The following DDX51 variants were observed in gnomAD, a reference collection of about 807,000 sequenced individuals.
The protein encoded by DDX51 is ATP-dependent RNA helicase DDX51.
A neutral mutation model predicts 74.6 loss-of-function variants in DDX51; 67 were observed. The observed-to-expected ratio is 0.90, with a 90% CI of 0.74 to 1.10. The LOEUF (loss-of-function observed/expected upper bound fraction) is 1.10. DDX51 is among the 50% of genes least tolerant of loss of function. The pLI is 0.00. For missense variants in DDX51, 1,056 were observed against 905.2 expected, an observed-to-expected ratio of 1.17 and a Z score of -2.14; for synonymous variants, 545 against 402.9, an observed-to-expected ratio of 1.35 and a Z score of -4.22.
Position 132,143,701 on chromosome 12 carries a change from C to T in DDX51, c.513G>A (p.Ala171=), listed in dbSNP as rs765185858. The T allele has an allele frequency of 1.8e-5, 27 of 1,538,078 alleles. No individual in the cohort carries two copies. Among genetic ancestry groups the T allele is most frequent in the East Asian group, 2.5e-5 (1 of 39,870 alleles). ...LVLGGFGKRK[A]PKVQPFLPRW... ...CCCGCCCGCCGAGGCTCACCTTCGG[C>T]GCCTTCCTCTTCCCGAACCCCCCCA... The change falls in exon 2 of 15, where the codon GCG becomes GCA. Residue 171 remains alanine, a synonymous_variant. Coordinates refer to ENST00000397333, the MANE Select transcript of DDX51 (RefSeq NM_175066.4).
chr12:132,143,332 C>G (rs1341287210), intron 2 of DDX51: 4 of 446,638 alleles, frequency 9.0e-6, no homozygotes, highest in Non-Finnish European at 1.6e-5. Context: ...CGCCGGAAAT[C>G]TCTTTACCGA....
chr12:132,141,130 A>G, intron 8 of DDX51, 110 bp from the exon 9 acceptor site: 2 of 1,493,536 alleles, frequency 1.3e-6, no homozygotes. Context: ...ACCAGGAGCA[A>G]GGTGGGTCCA....
Position 132,144,221 on chromosome 12 carries a change from C to A in DDX51, c.76G>T (p.Gly26Trp). Residue 26 changes from glycine (G) to tryptophan (W), a missense_variant, in exon 1 of 15, where the codon GGG (glycine) becomes TGG (tryptophan). Transcript: ENST00000397333. ...AAAGPEGAEAGAHGRARALLE... is the reference protein window; with the variant it reads ...AAAGPEGAEAWAHGRARALLE... Reference sequence around the variant, plus strand: ...AGCGCGCGGGCCCTGCCGTGCGCCCCGGCCTCCGCGCCCTCCGGCCCCGCC... The same window carrying A: ...AGCGCGCGGGCCCTGCCGTGCGCCCAGGCCTCCGCGCCCTCCGGCCCCGCC... The A allele has an allele frequency of 8.3e-7, 1 of 1,210,614 alleles. No homozygotes were observed. The highest frequency in any genetic ancestry group is 3.9e-5 in the South Asian group (1 of 25,620). 75.0% of individuals were successfully genotyped at this position (1,210,614 alleles called of 1,614,324 possible).
rs1897288341 is a variant in DDX51, at chr12:132,137,389, G to A, written c.*1883C>T. The A allele has an allele frequency of 6.6e-6, 1 of 152,206 alleles. No individual in the cohort carries two copies. Among genetic ancestry groups the A allele is most frequent in the African/African-American group, 2.4e-5 (1 of 41,438 alleles). 9.4% of individuals were successfully genotyped at this position (152,206 alleles called of 1,614,324 possible). ...TGATTTTGAACCCCGAGGTTAGAAA[G>A]GGAGCTATTTTTGAGCTGCTTTTTG... On this transcript the variant is annotated 3_prime_UTR_variant, in exon 15 of 15. Coordinates refer to ENST00000397333, the MANE Select transcript of DDX51 (RefSeq NM_175066.4).
chr12:132,144,212 C>G lies in DDX51; in HGVS notation c.85G>C (p.Gly29Arg). The G allele has an allele frequency of 1.7e-6, 2 of 1,200,526 alleles. No individual in the cohort carries two copies. Among genetic ancestry groups the G allele is most frequent in the Non-Finnish European group, 2.1e-6 (2 of 968,310 alleles). 74.4% of individuals were successfully genotyped at this position (1,200,526 alleles called of 1,614,324 possible). Residue 29 changes from glycine (G) to arginine (R), a missense_variant, in exon 1 of 15, where the codon GGC (glycine) becomes CGC (arginine). Gly to Arg is a moderately radical substitution (Grantham distance 125). Coordinates refer to ENST00000397333, the MANE Select transcript of DDX51 (RefSeq NM_175066.4). ...CGCTCGAGCAGCGCGCGGGCCCTGC[C>G]GTGCGCCCCGGCCTCCGCGCCCTCC... is the stretch of plus-strand genomic sequence containing the variant. Reference protein sequence around the residue: ...GPEGAEAGAHGRARALLERLQ... With the variant: ...GPEGAEAGAHRRARALLERLQ...
At chr12:132,143,556 A>G (rs1897565907) in intron 2 of DDX51, 139 bp downstream of exon 2, 1 of 1,162,714 alleles carries the variant, frequency 8.6e-7, no homozygotes, top group Admixed American at 2.2e-5. Context: ...TAGGCGATGA[A>G]ACTGCAGACC....
At position 132,141,318 on chromosome 12, in the gene DDX51, C is replaced by G; in HGVS notation, c.1207G>C (p.Ala403Pro). ...TGGGCCTGCCTTCGCTGGAGCAGGG[C>G]ACAGGGGTCCGCGGGGTCCTCGCTC... ...FQSEDPADPC[A>P]LLQRRQAQAV... The change falls in exon 8 of 15, where the codon GCC becomes CCC. Residue 403 changes from alanine to proline, a missense_variant. By Grantham distance (27) the Ala-to-Pro change is conservative. Coordinates refer to ENST00000397333, the MANE Select transcript of DDX51 (RefSeq NM_175066.4). 6.3e-7 allele frequency: 1 copy of G among 1,598,804 alleles called. No homozygotes were observed. The highest frequency in any genetic ancestry group is 8.5e-7 in the Non-Finnish European group (1 of 1,179,588).
intron 1 of DDX51, 22 bp downstream of exon 1, chr12:132,143,971 G>T: frequency 2.8e-6 from 4 of 1,431,344 alleles, no homozygotes; most frequent in Non-Finnish European, 3.6e-6. Flanking sequence ...CCCAGAGGGA[G>T]CCCGCTCGCC....
rs1897323840 is a variant in DDX51, at chr12:132,138,274, T to G, written c.*998A>C. On this transcript the variant is annotated 3_prime_UTR_variant, in exon 15 of 15. Coordinates refer to ENST00000397333, the MANE Select transcript of DDX51 (RefSeq NM_175066.4). ...ACGTGACCTTCCCACCAGCAATATGTGAGGTGTCCACTGAACAGTCACAAG... is the reference window on the plus strand; with the variant it reads ...ACGTGACCTTCCCACCAGCAATATGGGAGGTGTCCACTGAACAGTCACAAG... 6.6e-6 allele frequency: 1 copy of G among 152,300 alleles called. No homozygotes were observed. Among genetic ancestry groups the G allele is most frequent in the South Asian group, 2.1e-4 (1 of 4,828 alleles). The allele number at this position is 152,300 out of a possible 1,614,324, so 9.4% of individuals were successfully genotyped here.
In DDX51 at chr12:132,141,314, A is replaced by C; in HGVS notation, c.1211T>G (p.Leu404Arg). The change falls in exon 8 of 15, where the codon CTG (leucine) becomes CGG (arginine). Residue 404 changes from leucine to arginine, a missense_variant. Physicochemically the swap from Leu to Arg is moderately radical, Grantham distance 102 (BLOSUM62 -2). Transcript: ENST00000397333. ...AGCCTGGGCCTGCCTTCGCTGGAGC[A>C]GGGCACAGGGGTCCGCGGGGTCCTC... ...QSEDPADPCA[L>R]LQRRQAQAVT... The C allele has an allele frequency of 3.8e-6, 6 of 1,598,196 alleles. No homozygotes were observed. Among genetic ancestry groups the C allele is most frequent in the Non-Finnish European group, 5.1e-6 (6 of 1,179,102 alleles).
Position 132,140,611 on chromosome 12 carries a change from G to A in DDX51, c.1556+9C>T, listed in dbSNP as rs754506056. On this transcript the variant is annotated intron_variant, in intron 10 of 14. Transcript: ENST00000397333. ...CACCTCTGCCACCCCCGCCCAGCCG[G>A]GGCCTCACCTGTGGGAGTTCTCTCG... The A allele has an allele frequency of 6.2e-7, 1 of 1,612,856 alleles. No individual in the cohort carries two copies. Among genetic ancestry groups the A allele is most frequent in the South Asian group, 1.1e-5 (1 of 91,078 alleles).
Position 132,142,349 on chromosome 12 carries a change from C to T in DDX51, c.744G>A (p.Arg248=), listed in dbSNP as rs1897498607. ...GGGCAGAAACACAGAGGTCGCTAGG[C>T]CGGTAGCCACCTCTGCCCACCAGAA... ...CGFLVGRGGY[R]PSDLCVSAPT... Residue 248 remains arginine, a synonymous_variant, in exon 4 of 15, where the codon CGG becomes CGA. Transcript: ENST00000397333. 4 of 1,612,984 alleles carry T rather than the reference C, an allele frequency of 2.5e-6. No homozygotes were observed. Among genetic ancestry groups the T allele is most frequent in the Non-Finnish European group, 3.4e-6 (4 of 1,180,010 alleles).
rs1897473099 is a variant in DDX51, at chr12:132,141,770, C to T, written c.995+80G>A. On this transcript the variant is annotated intron_variant, in intron 6 of 14. Coordinates refer to ENST00000397333, the MANE Select transcript of DDX51 (RefSeq NM_175066.4). ...AGGTGGTTAAAGATGGTGGCCCCTC[C>T]TCTGCTCCCACGGTGCCTCAGGCCA... 6 of 1,532,248 alleles carry T rather than the reference C, an allele frequency of 3.9e-6. No homozygotes were observed. In the South Asian group the frequency reaches 6.9e-5, roughly 18 times the overall value. 94.9% of individuals were successfully genotyped at this position (1,532,248 alleles called of 1,614,324 possible). A position where few individuals can be genotyped will look rare whatever the true frequency, so the allele number is the denominator to read the frequency against.
In DDX51 at chr12:132,139,153, G is replaced by A. The variant is rs1897354152; in HGVS notation, c.*119C>T. On this transcript the variant is annotated 3_prime_UTR_variant, in exon 15 of 15. Coordinates refer to ENST00000397333, the MANE Select transcript of DDX51 (RefSeq NM_175066.4). ...GCGCAGAGACCACGTGCTTGGGGAGGAAGGCTGTGTCCACTGGGGGATTCC... is the reference window on the plus strand; with the variant it reads ...GCGCAGAGACCACGTGCTTGGGGAGAAAGGCTGTGTCCACTGGGGGATTCC... 4 of 1,445,016 alleles carry A rather than the reference G, an allele frequency of 2.8e-6. No individual in the cohort carries two copies. Among genetic ancestry groups the A allele is most frequent in the Admixed American group, 4.1e-5 (2 of 49,218 alleles). The allele number at this position is 1,445,016 out of a possible 1,614,324, so 89.5% of individuals were successfully genotyped here. A position where few individuals can be genotyped will look rare whatever the true frequency, so the allele number is the denominator to read the frequency against.
chr12:132,139,450 C>T (rs532105404), intron 14 of DDX51, 152 bp from the exon 15 acceptor site: 6 of 1,508,798 alleles, frequency 4.0e-6, no homozygotes, highest in East Asian at 2.3e-5. Flanking sequence ...CCTGGTGCCA[C>T]GTGTTTCCAC....
rs1133690 is a variant in DDX51 at position 132,142,123 on chromosome 12, T to C, written c.884A>G (p.Gln295Arg). The change falls in exon 5 of 15, where the codon CAG (glutamine) becomes CGG (arginine). Residue 295 changes from glutamine to arginine, a missense_variant. Gln to Arg is a conservative substitution (Grantham distance 43). Transcript: ENST00000397333. ...LVVLPTKELA[Q>R]QVSKVFNIYT... ...CCAGGTCTAGGGTCCACATACCTGC[T>C]GGGCCAGCTCCTTGGTGGGCAGCAC... 1,001,319 of 1,543,106 alleles carry C rather than the reference T, an allele frequency of 0.65. 332,727 individuals carry two copies. The highest frequency in any genetic ancestry group is 0.78 in the East Asian group (34,427 of 44,268).
Position 132,139,755 on chromosome 12 carries a change from G to C in DDX51, c.1854C>G (p.Leu618=), listed in dbSNP as rs1593418429. 7 of 1,613,212 alleles carry C rather than the reference G, an allele frequency of 4.3e-6. 1 individual carries two copies. The Admixed American group carries it at 1.0e-4, about 23-fold the overall frequency. Residue 618 remains leucine, a synonymous_variant, in exon 14 of 15, where the codon CTC becomes CTG. Coordinates refer to ENST00000397333, the MANE Select transcript of DDX51 (RefSeq NM_175066.4). The part of the protein sequence containing the change: ...LLLKVQERRF[L]RMLTEAGAPE... The stretch of plus-strand genomic sequence containing the variant: ...GTGCCCCAGCTTCAGTTAGCATTCG[G>C]AGGAATCTCCTCTCCTGGAGAGAAG...
chr12:132,142,034 T>A, intron 5 of DDX51, 78 bp from the exon 6 acceptor site: 3 of 1,606,798 alleles, frequency 1.9e-6, no homozygotes, highest in Non-Finnish European at 2.6e-6. Context: ...AGATCTAATC[T>A]GGGTCCCCCA....
intron 2 of DDX51, chr12:132,143,481 G>A (rs1897561376): frequency 4.7e-6 from 3 of 644,306 alleles, no homozygotes; most frequent in Non-Finnish European, 5.1e-6. Context: ...GCGCGGCGCG[G>A]CGGGAGGACA....
Sources: allele counts gnomAD v4.1 joint callset, GRCh38; gene constraint gnomAD v4.1.1; transcripts MANE v1.5; gene names NCBI Gene and HGNC (gene_info 2026-07-23, HGNC 2026-07-21).